Variants in GRIK1 observed in about 807,000 individuals in gnomAD.
GRIK1 encodes glutamate receptor ionotropic, kainate 1.
GRIK1 carries 69 observed loss-of-function variants against 105.7 expected under a neutral mutation model. That is an observed-to-expected ratio of 0.65 (90% CI 0.54 to 0.80). The LOEUF (loss-of-function observed/expected upper bound fraction) is 0.80. GRIK1 is among the 30% of genes least tolerant of loss of function. The pLI is 0.00. For missense variants in GRIK1, 1,109 were observed against 1,167.3 expected, an observed-to-expected ratio of 0.95 and a Z score of 0.73; for synonymous variants, 438 against 431.3, an observed-to-expected ratio of 1.02 and a Z score of -0.19.
chr21:29,738,897 T>C (rs931427030), intron 1 of GRIK1, among the ~76,000 whole-genome samples: 4 of 152,250 alleles, frequency 2.6e-5, no homozygotes, highest in African/African-American at 9.6e-5. Context: ...CCTTTTGTAA[T>C]GTCTTCAAGT....
At chr21:29,596,163 C>T (rs561913194) in intron 9 of GRIK1, 2 of 359,940 alleles carry the variant, frequency 5.6e-6, no homozygotes, top group South Asian at 2.3e-5. Context: ...GATTTTTATC[C>T]CCCTTAAGGA....
At chr21:29,855,864 GA>G (rs1396072417) in intron 1 of GRIK1, among the ~76,000 whole-genome samples, 2 of 152,122 alleles carry the variant, frequency 1.3e-5, no homozygotes, top group African/African-American at 4.8e-5. Context: ...AAATGGGAGA[GA>G]TTTTTTTTTC....
chr21:29,888,966 C>T (rs555376985), intron 1 of GRIK1, among the ~76,000 whole-genome samples: 1 of 152,146 alleles, frequency 6.6e-6, no homozygotes, highest in Non-Finnish European at 1.5e-5. Context: ...GTAACTTTCT[C>T]CTGAAATCTT....
At chr21:29,725,732 A>G (rs549723029) in intron 1 of GRIK1, among the ~76,000 whole-genome samples, 1 of 152,342 alleles carries the variant, frequency 6.6e-6, no homozygotes, top group South Asian at 2.1e-4. Context: ...CTCACAACCT[A>G]TTACAAAGCC....
chr21:29,656,315 C>A (rs1310623657), intron 4 of GRIK1, among the ~76,000 whole-genome samples: 3 of 130,492 alleles, frequency 2.3e-5, no homozygotes, highest in African/African-American at 8.8e-5. Flanking sequence ...GAGCCAAGAT[C>A]GCGCCACTGC....
chr21:29,721,349 G>C (rs750605912), intron 1 of GRIK1, among the ~76,000 whole-genome samples: 1 of 152,104 alleles, frequency 6.6e-6, no homozygotes, highest in Non-Finnish European at 1.5e-5. Flanking sequence ...AAGCTTTGGG[G>C]AACATTGTGG....
intron 14 of GRIK1, among the ~76,000 whole-genome samples, chr21:29,562,799 T>A (rs1262983608): frequency 6.6e-6 from 1 of 152,224 alleles, no homozygotes; most frequent in East Asian, 1.9e-4. Flanking sequence ...TTTCTCATAT[T>A]CTTCAGCTTT....
intron 1 of GRIK1, among the ~76,000 whole-genome samples, chr21:29,747,281 A>G (rs1047400430): frequency 2.0e-5 from 3 of 152,228 alleles, no homozygotes; most frequent in Non-Finnish European, 2.9e-5. Context: ...TCTCAGAGCA[A>G]TATGGGCATG....
At chr21:29,898,716 G>T (rs1164611515) in intron 1 of GRIK1, among the ~76,000 whole-genome samples, 1 of 152,192 alleles carries the variant, frequency 6.6e-6, no homozygotes, top group Non-Finnish European at 1.5e-5. Context: ...CAGAAATCAT[G>T]CTGATAGCAT....
At chr21:29,607,036 C>T (rs563653938) in intron 7 of GRIK1, among the ~76,000 whole-genome samples, 144 of 152,238 alleles carry the variant, frequency 9.5e-4, no homozygotes, top group Non-Finnish European at 1.5e-3. Flanking sequence ...TATTTGACTG[C>T]TAGGCAAGTC....
chr21:29,939,446 A>G lies in GRIK1; in HGVS notation c.55T>C (p.Trp19Arg). ...TAGCAGAGGAAATAGAGGAGTGCCCAGCTGGTGTCCCTGGTCCAGAGCCCG... is the reference window on the plus strand; with the variant it reads ...TAGCAGAGGAAATAGAGGAGTGCCCGGCTGGTGTCCCTGGTCCAGAGCCCG... ...QPGLWTRDTSWALLYFLCYIL... is the reference protein window; with the variant it reads ...QPGLWTRDTSRALLYFLCYIL... Residue 19 changes from tryptophan (W) to arginine (R), a missense_variant, in exon 1 of 18, where the codon TGG (tryptophan) becomes CGG (arginine). Trp to Arg is a moderately radical substitution (Grantham distance 101). Around this residue, in one of 5 missense-constraint regions of GRIK1, gnomAD observed 612 missense variants for 586.0 expected, o/e 1.04. Coordinates refer to ENST00000327783, the MANE Select transcript of GRIK1 (RefSeq NM_001330994.2). The G allele has an allele frequency of 1.2e-6, 2 of 1,600,736 alleles. No homozygotes were observed. The highest frequency in any genetic ancestry group is 1.7e-6 in the Non-Finnish European group (2 of 1,173,404).
intron 1 of GRIK1, among the ~76,000 whole-genome samples, chr21:29,929,841 A>G (rs1334690322): frequency 6.6e-6 from 1 of 152,224 alleles, no homozygotes; most frequent in Non-Finnish European, 1.5e-5. Context: ...AATTGAAATA[A>G]GCATGTTGAA....
chr21:29,711,565 A>C (rs555557229), intron 1 of GRIK1, among the ~76,000 whole-genome samples: 2 of 152,134 alleles, frequency 1.3e-5, no homozygotes, highest in South Asian at 4.2e-4. Flanking sequence ...TTAGCAGAAA[A>C]TAGTATCAAT....
At chr21:29,722,510 C>A (rs1020938505) in intron 1 of GRIK1, among the ~76,000 whole-genome samples, 1 of 149,760 alleles carries the variant, frequency 6.7e-6, no homozygotes, top group African/African-American at 2.5e-5. Context: ...GAGCTGAGAT[C>A]GTGCCACTGC....
chr21:29,573,089 T>A (rs995816619), intron 14 of GRIK1, among the ~76,000 whole-genome samples: 4 of 152,072 alleles, frequency 2.6e-5, no homozygotes, highest in African/African-American at 9.7e-5. Flanking sequence ...TGGTCTTTTT[T>A]AAAGATAAAA....
chr21:29,593,076 A>G (rs1353512736), intron 9 of GRIK1, among the ~76,000 whole-genome samples: 1 of 152,230 alleles, frequency 6.6e-6, no homozygotes, highest in Non-Finnish European at 1.5e-5. Flanking sequence ...AGAGACATCA[A>G]TGCTTTGAAA....
In GRIK1 at chr21:29,851,735, C is replaced by T. The variant is rs533683072; in HGVS notation, c.118+87648G>A. Among the ~76,000 whole-genome samples the T allele has an allele frequency of 4.0e-5, 6 of 150,368 alleles. No homozygotes were observed. The South Asian group carries it at 1.3e-3, about 32-fold the overall frequency. On this transcript the variant is annotated intron_variant, in intron 1 of 17. Coordinates refer to ENST00000327783, the MANE Select transcript of GRIK1 (RefSeq NM_001330994.2). ...TAGTCTACCTCATGGCCTCAACTCT[C>T]TTAGCTACTTAAACATTTCCAAGAA...
chr21:29,553,657 G>T, intron 16 of GRIK1: 2 of 1,607,266 alleles, frequency 1.2e-6, no homozygotes, highest in Non-Finnish European at 1.7e-6. Context: ...AAGTGGAGTT[G>T]GTTGGATGGG....
At chr21:29,736,872 T>A (rs1601565391) in intron 1 of GRIK1, among the ~76,000 whole-genome samples, 1 of 151,778 alleles carries the variant, frequency 6.6e-6, no homozygotes, top group African/African-American at 2.4e-5. Flanking sequence ...AGAGACGGGG[T>A]TTCACCATGT....
Sources: gnomAD v4.1 joint callset for allele counts (sites outside exome capture counted in the v4.1 genomes callset) on GRCh38, gnomAD v4.1.1 for gene constraint, gnomAD v4.1.1 regional missense constraint, MANE v1.5 for transcripts, NCBI Gene and HGNC (gene_info 2026-07-23, HGNC 2026-07-21) for gene names.